Variants in MAP3K8 observed in about 807,000 individuals in gnomAD.
MAP3K8 encodes the protein mitogen-activated protein kinase kinase kinase 8, also known as Ewing sarcoma transformant.
MAP3K8 carries 22 observed loss-of-function variants against 45.8 expected under a neutral mutation model. The ratio of observed to expected loss-of-function variants is 0.48; its 90% confidence interval spans 0.34 to 0.69. The LOEUF (loss-of-function observed/expected upper bound fraction) is 0.69. Among genes scored for constraint, MAP3K8 ranks in the 30% least tolerant of loss-of-function variants. The pLI is 0.01. For synonymous variants in MAP3K8, 223 were observed against 214.3 expected (o/e 1.04, Z -0.36); for missense variants, 419 against 585.0 (o/e 0.72, Z 2.93).
Position 30,441,818 on chromosome 10 carries a change from G to A in MAP3K8, c.336+2544G>A, listed in dbSNP as rs553031866. Among the ~76,000 whole-genome samples, 30 of 152,292 alleles carry A rather than the reference G, an allele frequency of 2.0e-4. No individual in the cohort carries two copies. In the South Asian group the frequency reaches 2.1e-3, roughly 11 times the overall value. ...TGTAGTCACTTCAAGACAGTAGTGA[G>A]GGAGGCAAGGCTTGCTTTCGGCTCC... On this transcript the variant is annotated intron_variant, in intron 3 of 8. Transcript: ENST00000263056.
intron 1 of MAP3K8, 90 bp downstream of exon 1, chr10:30,434,468 C>G: frequency 1.0e-6 from 1 of 985,606 alleles, no homozygotes; most frequent in Non-Finnish European, 1.2e-6. Flanking sequence ...TGGAGGGTGC[C>G]CCCAGCAGAG....
chr10:30,455,423 C>T (rs1836699965), intron 6 of MAP3K8, among the ~76,000 whole-genome samples: 1 of 152,188 alleles, frequency 6.6e-6, no homozygotes, highest in South Asian at 2.1e-4. Context: ...CAAATGCAAA[C>T]CCTGGTTACC....
intron 1 of MAP3K8, 75 bp downstream of exon 1, chr10:30,434,453 A>G: frequency 1.0e-6 from 1 of 985,544 alleles, no homozygotes; most frequent in Non-Finnish European, 1.2e-6. Context: ...ATTCCCATGC[A>G]GAAATGGAGG....
chr10:30,438,525 G>A (rs928620), intron 2 of MAP3K8, among the ~76,000 whole-genome samples: 37,196 of 152,134 alleles, frequency 0.24, 8,208 homozygotes, highest in African/African-American at 0.59. Context: ...GTGCCACTTC[G>A]GGGGAATAGC....
chr10:30,458,268 C>A, intron 7 of MAP3K8, 32 bp downstream of exon 7: 1 of 439,434 alleles, frequency 2.3e-6, no homozygotes, highest in Non-Finnish European at 3.7e-6. Flanking sequence ...CTGGGGGCGG[C>A]GGGGGGGGGC....
intron 6 of MAP3K8, among the ~76,000 whole-genome samples, chr10:30,453,516 C>T (rs752170148): frequency 3.5e-4 from 53 of 152,112 alleles, no homozygotes; most frequent in Non-Finnish European, 7.2e-4. Flanking sequence ...AATGCGTTCG[C>T]GGGCTTCCAA....
rs1367656223 is a variant in MAP3K8 at position 30,434,225 on chromosome 10, T to C, written c.-408T>C. 1.3e-5 allele frequency: 2 copies of C among 154,126 alleles called. No individual in the cohort carries two copies. The highest frequency in any genetic ancestry group is 4.8e-5 in the African/African-American group (2 of 41,460). The allele number at this position is 154,126 out of a possible 1,614,324, so 9.5% of individuals were successfully genotyped here. A position where few individuals can be genotyped will look rare whatever the true frequency, so the allele number is the denominator to read the frequency against. Reference sequence around the variant, plus strand: ...CTGGACTGCGCGCCACGCTCTGGGGTCCGGCGCCCTGGTTCCTGCTTCTGC... The same window carrying C: ...CTGGACTGCGCGCCACGCTCTGGGGCCCGGCGCCCTGGTTCCTGCTTCTGC... On this transcript the variant is annotated 5_prime_UTR_variant, in exon 1 of 9. Coordinates refer to ENST00000263056, the MANE Select transcript of MAP3K8 (RefSeq NM_005204.4).
Position 30,447,863 on chromosome 10 carries a change from G to C in MAP3K8, c.418G>C (p.Gly140Arg). ...CTGGAAGCTGACTTACAGGAATATT[G>C]GTTCTGATTTTATTCCTCGGGGCGC... ...IPWKLTYRNI[G>R]SDFIPRGAFG... The change falls in exon 4 of 9, where the codon GGT (glycine) becomes CGT (arginine). Residue 140 changes from glycine to arginine, a missense_variant. Around this residue, in one of 3 missense-constraint regions of MAP3K8, gnomAD observed 209 missense variants for 367.3 expected, o/e 0.57. Transcript: ENST00000263056. 1.9e-6 allele frequency: 3 copies of C among 1,613,380 alleles called. No homozygotes were observed. The highest frequency in any genetic ancestry group is 2.5e-6 in the Non-Finnish European group (3 of 1,179,542).
chr10:30,436,698 T>TAA (rs1205873521), intron 1 of MAP3K8, among the ~76,000 whole-genome samples: 8,491 of 141,842 alleles, frequency 0.06, 816 homozygotes, highest in African/African-American at 0.2. Flanking sequence ...ACTACTACTA[T>TAA]AAAAAAAAAA....
At chr10:30,454,952 T>C (rs1836687517) in intron 6 of MAP3K8, among the ~76,000 whole-genome samples, 1 of 152,212 alleles carries the variant, frequency 6.6e-6, no homozygotes, top group South Asian at 2.1e-4. Context: ...CTATTTATGG[T>C]ATTAAAGATG....
In MAP3K8 at chr10:30,460,831, G is replaced by A. The variant is rs1383714844; in HGVS notation, c.1399G>A (p.Gly467Ser). 6.2e-7 allele frequency: 1 copy of A among 1,613,390 alleles called. No homozygotes were observed. The highest frequency in any genetic ancestry group is 8.5e-7 in the Non-Finnish European group (1 of 1,179,988). Residue 467 changes from glycine (G) to serine (S), a missense_variant, in exon 9 of 9, where the codon GGC becomes AGC. Physicochemically the swap from Gly to Ser is moderately conservative, Grantham distance 56. Coordinates refer to ENST00000263056, the MANE Select transcript of MAP3K8 (RefSeq NM_005204.4). ...LVRGPPTLEY[G>S] ...TCGGGGACCACCAACGCTTGAATAT[G>A]GCTGAAGGATGCCATGTTTGCTCTA...
Position 30,435,433 on chromosome 10 carries a change from C to A in MAP3K8, c.-255+1055C>A, listed in dbSNP as rs190177624. 1.7e-3 allele frequency among the ~76,000 whole-genome samples: 253 copies of A among 152,288 alleles called. 2 individuals carry two copies. The highest frequency in any genetic ancestry group is 5.7e-3 in the African/African-American group (238 of 41,560). On this transcript the variant is annotated intron_variant, in intron 1 of 8. Transcript: ENST00000263056. ...GAGGTTTTGAAGCAGAGTGTCGGTCCTTCCTTCCATACGCCTGAAACGCAT... is the reference window on the plus strand; with the variant it reads ...GAGGTTTTGAAGCAGAGTGTCGGTCATTCCTTCCATACGCCTGAAACGCAT...
chr10:30,458,265 C>CCCCCCGGGGGGGGGGGGGG, intron 7 of MAP3K8, 29 bp downstream of exon 7: 1 of 405,658 alleles, frequency 2.5e-6, no homozygotes, highest in Non-Finnish European at 3.7e-6. Flanking sequence ...GGGCTGGGGG[C>CCCCCCGGGGGGGGGGGGGG]GGCGGGGGGG....
At chr10:30,439,412 G>T in intron 3 of MAP3K8, 138 bp downstream of exon 3, 3 of 1,389,238 alleles carry the variant, frequency 2.2e-6, no homozygotes, top group South Asian at 1.7e-5. Flanking sequence ...TCAGTAAGAA[G>T]TACTTCCATG....
rs1377486358 is a variant in MAP3K8, at chr10:30,459,425, G to C, written c.1197G>C (p.Gln399His). The C allele has an allele frequency of 1.2e-6, 2 of 1,614,174 alleles. No homozygotes were observed. The highest frequency in any genetic ancestry group is 1.7e-6 in the Non-Finnish European group (2 of 1,180,022). ...NPPREDQPRC[Q>H]SLDSALLERK... is the part of the protein sequence containing the mutation. ...CCAGAGAGGATCAGCCACGCTGTCAGAGTCTGGACTCTGCCCTCTTGGAGC... is the reference window on the plus strand; with the variant it reads ...CCAGAGAGGATCAGCCACGCTGTCACAGTCTGGACTCTGCCCTCTTGGAGC... Residue 399 changes from glutamine to histidine, a missense_variant, in exon 8 of 9, where the codon CAG becomes CAC. Gln to His is a conservative substitution (Grantham distance 24). Around this residue, in one of 3 missense-constraint regions of MAP3K8, gnomAD observed 108 missense variants for 124.2 expected, o/e 0.87. Coordinates refer to ENST00000263056, the MANE Select transcript of MAP3K8 (RefSeq NM_005204.4).
chr10:30,448,163 A>G (rs1836404684), intron 4 of MAP3K8, among the ~76,000 whole-genome samples: 1 of 152,200 alleles, frequency 6.6e-6, no homozygotes, highest in African/African-American at 2.4e-5. Context: ...ATTTTAATCT[A>G]GATGATTAAA....
chr10:30,440,717 T>G (rs1282762352), intron 3 of MAP3K8, among the ~76,000 whole-genome samples: 1 of 152,224 alleles, frequency 6.6e-6, no homozygotes, highest in Non-Finnish European at 1.5e-5. Flanking sequence ...GGGTTCAAAG[T>G]TATATATATG....
chr10:30,445,535 T>C (rs1836293011), intron 3 of MAP3K8, among the ~76,000 whole-genome samples: 1 of 152,236 alleles, frequency 6.6e-6, no homozygotes, highest in Non-Finnish European at 1.5e-5. Flanking sequence ...AAATCAGGCC[T>C]GTAAATATTT....
At chr10:30,454,687 T>C (rs900666176) in intron 6 of MAP3K8, among the ~76,000 whole-genome samples, 6 of 151,794 alleles carry the variant, frequency 4.0e-5, no homozygotes, top group African/African-American at 1.5e-4. Context: ...TTATTGAAAA[T>C]GCTCGAGCGA....
Sources: gnomAD v4.1 joint callset for allele counts (sites outside exome capture counted in the v4.1 genomes callset) on GRCh38, gnomAD v4.1.1 for gene constraint, gnomAD v4.1.1 regional missense constraint, MANE v1.5 for transcripts, NCBI Gene and HGNC (gene_info 2026-07-23, HGNC 2026-07-21) for gene names.